ERICH6B: variants seen among roughly 807,000 people sequenced by gnomAD.
ERICH6B encodes glutamate rich 6B, also known as glutamate-rich protein 6B.
Under a neutral mutation model 80.0 loss-of-function variants are expected in ERICH6B, and 69 were observed. The ratio of observed to expected loss-of-function variants is 0.86; its 90% CI spans 0.71 to 1.05. The LOEUF (loss-of-function observed/expected upper bound fraction) is 1.05, where lower values mean the gene tolerates loss of function less well. ERICH6B is among the 50% of genes least tolerant of loss of function. ERICH6B has a pLI of 0.00. For missense variants in ERICH6B, 754 were observed against 796.1 expected, an observed-to-expected ratio of 0.95 and a Z score of 0.64; for synonymous variants, 283 against 291.9, an observed-to-expected ratio of 0.97 and a Z score of 0.31.
chr13:45,568,954 A>G (rs1036855100), intron 8 of ERICH6B, among the ~76,000 whole-genome samples: 1 of 152,182 alleles, frequency 6.6e-6, no homozygotes, highest in African/African-American at 2.4e-5. Context: ...AAATGCTTCC[A>G]TGCTTTAAGA....
intron 3 of ERICH6B, among the ~76,000 whole-genome samples, chr13:45,594,075 C>T (rs1187500912): frequency 1.3e-5 from 2 of 152,210 alleles, no homozygotes; most frequent in Non-Finnish European, 2.9e-5. Context: ...TGAGGTTCAA[C>T]ACGAGGGTAA....
intron 1 of ERICH6B, among the ~76,000 whole-genome samples, chr13:45,609,661 C>G (rs916642842): frequency 2.6e-5 from 4 of 152,308 alleles, no homozygotes; most frequent in Admixed American, 6.5e-5. Flanking sequence ...GTGATTATCT[C>G]ATATGGTTGT....
chr13:45,589,587 G>A (rs1210223239), intron 4 of ERICH6B, among the ~76,000 whole-genome samples: 1 of 152,170 alleles, frequency 6.6e-6, no homozygotes, highest in Non-Finnish European at 1.5e-5. Context: ...GGAAACTGAG[G>A]TACCAAGAGA....
chr13:45,544,794 T>C lies in ERICH6B; in HGVS notation c.1838A>G (p.Lys613Arg). Reference sequence around the variant, plus strand: ...GGTGCCCAGGTTTAAACAAATCTGCTTCTGTTCATAGGTGAAGCAGAAGAT... The same window carrying C: ...GGTGCCCAGGTTTAAACAAATCTGCCTCTGTTCATAGGTGAAGCAGAAGAT... ...KIIFCFTYEQ[K>R]QICLNLGTRY... Residue 613 changes from lysine to arginine, a missense_variant, in exon 14 of 15, where the codon AAG (lysine) becomes AGG (arginine). Lys to Arg is a conservative substitution (Grantham distance 26, BLOSUM62 2). Coordinates refer to ENST00000298738, the MANE Select transcript of ERICH6B (RefSeq NM_182542.3). The C allele has an allele frequency of 6.4e-7, 1 of 1,551,714 alleles. No homozygotes were observed.
intron 3 of ERICH6B, among the ~76,000 whole-genome samples, chr13:45,593,988 A>G (rs1330625519): frequency 1.3e-5 from 2 of 152,236 alleles, no homozygotes; most frequent in African/African-American, 2.4e-5. Context: ...GGCTCTAGTT[A>G]GTGAATATGA....
rs1203264243 is a variant in ERICH6B, at chr13:45,544,959, T to C, written c.1673A>G (p.Tyr558Cys). 1.3e-6 allele frequency: 2 copies of C among 1,551,096 alleles called. No homozygotes were observed. Among genetic ancestry groups the C allele is most frequent in the Non-Finnish European group, 1.7e-6 (2 of 1,147,000 alleles). ...CTGGCGTTTGTCTTTGGGGAAGTAG[T>C]AGCCCAGGTTGGAGCTCAGGTTCAA... Reference protein sequence around the residue: ...IWLNLSSNLGYYFPKDKRQKA... With the variant: ...IWLNLSSNLGCYFPKDKRQKA... The change falls in exon 14 of 15, where the codon TAC (tyrosine) becomes TGC (cysteine). Residue 558 changes from tyrosine to cysteine, a missense_variant. By Grantham distance (194) the Tyr-to-Cys change is radical. Coordinates refer to ENST00000298738, the MANE Select transcript of ERICH6B (RefSeq NM_182542.3).
At chr13:45,602,086 A>C (rs1795242186) in intron 2 of ERICH6B, among the ~76,000 whole-genome samples, 2 of 152,178 alleles carry the variant, frequency 1.3e-5, no homozygotes. Flanking sequence ...TTGCTTTCCA[A>C]CTACCCTGCT....
At position 45,561,514 on chromosome 13, in the gene ERICH6B, G is replaced by A; in HGVS notation, c.1262C>T (p.Thr421Ile). The A allele has an allele frequency of 6.4e-7, 1 of 1,551,432 alleles. No homozygotes were observed. The highest frequency in any genetic ancestry group is 8.7e-7 in the Non-Finnish European group (1 of 1,146,906). ...IKRRREAQKL[T>I]EMTSFTFHLM... ...ATGAAATGTGAAACTGGTCATCTCT[G>A]TTAACTTTTGAGCTGCCATTCAATT... The change falls in exon 11 of 15, where the codon ACA becomes ATA. Residue 421 changes from threonine to isoleucine, a missense_variant. By Grantham distance (89) the Thr-to-Ile change is moderately conservative. Coordinates refer to ENST00000298738, the MANE Select transcript of ERICH6B (RefSeq NM_182542.3).
intron 13 of ERICH6B, among the ~76,000 whole-genome samples, chr13:45,546,417 G>A (rs1311279028): frequency 2.6e-5 from 4 of 152,204 alleles, no homozygotes; most frequent in South Asian, 4.1e-4. Context: ...GCCAGGTCTC[G>A]TCTGAGCTGT....
Position 45,582,684 on chromosome 13 carries a change from T to C in ERICH6B, c.857-2019A>G, listed in dbSNP as rs539495615. On this transcript the variant is annotated intron_variant, in intron 5 of 14. Coordinates refer to ENST00000298738, the MANE Select transcript of ERICH6B (RefSeq NM_182542.3). The stretch of plus-strand genomic sequence containing the variant: ...TGGAAACTGGGTTGACTCTGATCTA[T>C]GAAACAGCATCTTGAGGTGCTGTTC... Among the ~76,000 whole-genome samples the C allele has an allele frequency of 9.2e-5, 14 of 152,356 alleles. No homozygotes were observed. The South Asian group carries it at 2.7e-3, about 29-fold the overall frequency.
chr13:45,551,690 G>A (rs1259534106), intron 11 of ERICH6B: 3 of 152,244 alleles, frequency 2.0e-5, no homozygotes, highest in African/African-American at 7.2e-5. Context: ...ATGCAATAGT[G>A]TTGGGAGATG....
intron 1 of ERICH6B, among the ~76,000 whole-genome samples, chr13:45,608,582 T>TA (rs2138039021): frequency 6.6e-6 from 1 of 152,364 alleles, no homozygotes; most frequent in Admixed American, 6.5e-5. Context: ...TTTTTGCATG[T>TA]TTTTTGTTAA....
intron 7 of ERICH6B, among the ~76,000 whole-genome samples, chr13:45,577,440 T>A (rs992508612): frequency 2.0e-5 from 3 of 151,938 alleles, no homozygotes; most frequent in Non-Finnish European, 4.4e-5. Flanking sequence ...TGTGCCACCA[T>A]GCCAAGCTAA....
chr13:45,601,404 A>G (rs1387785533), intron 2 of ERICH6B, among the ~76,000 whole-genome samples: 1 of 152,130 alleles, frequency 6.6e-6, no homozygotes, highest in East Asian at 1.9e-4. Context: ...TTTAAAATGT[A>G]TATATTTTAC....
At chr13:45,550,442 C>T in intron 11 of ERICH6B, 126 bp from the exon 12 acceptor site, 1 of 698,694 alleles carries the variant, frequency 1.4e-6, no homozygotes, top group African/African-American at 1.8e-5. Flanking sequence ...CATCAACTTG[C>T]TGGGGAGCTG....
chr13:45,549,478 T>C (rs1210280737), intron 13 of ERICH6B, among the ~76,000 whole-genome samples: 1 of 152,188 alleles, frequency 6.6e-6, no homozygotes, highest in African/African-American at 2.4e-5. Context: ...ACTTCAGTTA[T>C]AGTGAAATAT....
intron 4 of ERICH6B, among the ~76,000 whole-genome samples, chr13:45,590,360 C>T (rs1024188098): frequency 6.6e-6 from 1 of 152,090 alleles, no homozygotes; most frequent in African/African-American, 2.4e-5. Flanking sequence ...CTTGCGAGCC[C>T]TTTGCAGTCT....
chr13:45,615,727 CCCGGCGTTTGTGGCAG>C (rs1949924876), exon 1 of ERICH6B: 1 of 150,494 alleles, frequency 6.6e-6, no homozygotes, highest in Non-Finnish European at 1.5e-5. Flanking sequence ...GATCTCAGGC[CCCGGCGTTTGTGGCAG>C]CTCTCGGTTA....
chr13:45,541,379 C>T lies in ERICH6B; in HGVS notation c.*83G>A, dbSNP rs144418809. The T allele has an allele frequency of 1.2e-4, 140 of 1,213,934 alleles. 2 individuals carry two copies. The African/African-American group carries it at 1.9e-3, about 16-fold the overall frequency. 75.2% of individuals were successfully genotyped at this position (1,213,934 alleles called of 1,614,324 possible). On this transcript the variant is annotated 3_prime_UTR_variant, in exon 15 of 15. Transcript: ENST00000298738. ...CAAACCAACTCTCATAAAAGGTCAA[C>T]AGGTCTTTGGGTTTTTTTTCCCTGG...
Sources: allele counts gnomAD v4.1 joint callset (sites outside exome capture counted in the v4.1 genomes callset), GRCh38; gene constraint gnomAD v4.1.1; transcripts MANE v1.5; gene names NCBI Gene and HGNC (gene_info 2026-07-23, HGNC 2026-07-21).